Variants in FYB1 observed in about 807,000 individuals in gnomAD.
FYB1 encodes FYN binding protein 1, also known as FYN-binding protein 1.
Under a neutral mutation model 94.1 loss-of-function variants are expected in FYB1, and 41 were observed. The observed-to-expected ratio is 0.44, with a 90% confidence interval of 0.34 to 0.57. The LOEUF (loss-of-function observed/expected upper bound fraction) is 0.57. FYB1 is among the 20% of genes least tolerant of loss of function. FYB1 has a pLI of 0.02. For synonymous variants in FYB1, 367 were observed against 353.2 expected, an observed-to-expected ratio of 1.04 and a Z score of -0.44; for missense variants, 1,050 against 976.8, an observed-to-expected ratio of 1.07 and a Z score of -1.00.
intron 1 of FYB1, among the ~76,000 whole-genome samples, chr5:39,240,120 C>T (rs1751139186): frequency 6.6e-6 from 1 of 152,088 alleles, no homozygotes; most frequent in African/African-American, 2.4e-5. Flanking sequence ...TTGCTAGCCA[C>T]ATGCAGAAGA....
At chr5:39,259,772 C>T (rs1752137849) in intron 1 of FYB1, among the ~76,000 whole-genome samples, 2 of 152,066 alleles carry the variant, frequency 1.3e-5, no homozygotes, top group African/African-American at 2.4e-5. Context: ...TAGGCAGGAA[C>T]GTGGGGGATA....
At chr5:39,120,454 A>G (rs916730441) in intron 14 of FYB1, among the ~76,000 whole-genome samples, 2 of 152,174 alleles carry the variant, frequency 1.3e-5, no homozygotes, top group Admixed American at 1.3e-4. Flanking sequence ...GCCTGTCCGC[A>G]CACAGGATCA....
chr5:39,206,559 G>A (rs916609604), intron 1 of FYB1, among the ~76,000 whole-genome samples: 4 of 152,134 alleles, frequency 2.6e-5, no homozygotes, highest in African/African-American at 9.7e-5. Context: ...AGAGTGGAAA[G>A]TAAGCCTTCT....
At chr5:39,149,019 T>G (rs928100299) in intron 3 of FYB1, among the ~76,000 whole-genome samples, 1 of 152,182 alleles carries the variant, frequency 6.6e-6, no homozygotes, top group African/African-American at 2.4e-5. Context: ...ATGATAAACA[T>G]GCTCTTTTGA....
chr5:39,116,158 G>C (rs948827484), intron 16 of FYB1, among the ~76,000 whole-genome samples: 21 of 152,168 alleles, frequency 1.4e-4, no homozygotes, highest in African/African-American at 4.8e-4. Context: ...TTTATCGGCT[G>C]CCTTCGCTTC....
At chr5:39,211,482 TG>T (rs1561273754) in intron 1 of FYB1, among the ~76,000 whole-genome samples, 1 of 151,844 alleles carries the variant, frequency 6.6e-6, no homozygotes, top group African/African-American at 2.4e-5. Flanking sequence ...CCACCACGCC[TG>T]GCTAATTTTT....
At chr5:39,224,006 C>T (rs1750372372), upstream of FYB1, among the ~76,000 whole-genome samples, 1 of 152,184 alleles carries the variant, frequency 6.6e-6, no homozygotes, top group South Asian at 2.1e-4. Context: ...CTGTTCATGC[C>T]TATCACTTGT....
At chr5:39,224,146 C>T (rs1338059445), upstream of FYB1, among the ~76,000 whole-genome samples, 2 of 152,126 alleles carry the variant, frequency 1.3e-5, no homozygotes, top group Non-Finnish European at 2.9e-5. Flanking sequence ...AACACGAAAC[C>T]GATGGCCATT....
At chr5:39,248,090 G>C (rs777792208) in intron 1 of FYB1, among the ~76,000 whole-genome samples, 5 of 152,046 alleles carry the variant, frequency 3.3e-5, no homozygotes, top group African/African-American at 4.8e-5. Flanking sequence ...TCAGGTGGAA[G>C]CACTCCACAG....
intron 1 of FYB1, among the ~76,000 whole-genome samples, chr5:39,259,909 A>C (rs528816785): frequency 9.8e-5 from 15 of 152,306 alleles, no homozygotes; most frequent in African/African-American, 3.6e-4. Flanking sequence ...TCTGGAATTG[A>C]AAGGTTTCTA....
At chr5:39,264,314 A>G (rs1025015850) in intron 1 of FYB1, among the ~76,000 whole-genome samples, 2 of 152,234 alleles carry the variant, frequency 1.3e-5, no homozygotes, top group Non-Finnish European at 2.9e-5. Context: ...AGAAGTTGGC[A>G]GTCTGCAATC....
chr5:39,270,889 TTAA>T (rs1332627271), intron 1 of FYB1: 1 of 324,730 alleles, frequency 3.1e-6, no homozygotes, highest in African/African-American at 2.1e-5. Context: ...CTATACATTA[TTAA>T]TGTTTTATAT....
At chr5:39,153,721 A>G in intron 2 of FYB1, 117 bp from the exon 3 acceptor site, 1 of 823,414 alleles carries the variant, frequency 1.2e-6, no homozygotes, top group Non-Finnish European at 1.9e-6. Flanking sequence ...ACAACTGGCT[A>G]TATGGAATTT....
chr5:39,139,158 A>G, intron 5 of FYB1, 75 bp downstream of exon 5: 1 of 1,319,382 alleles, frequency 7.6e-7, no homozygotes, highest in South Asian at 1.5e-5. Context: ...TTTTGTACCA[A>G]TACGGAGTGA....
chr5:39,137,726 A>C lies in FYB1; in HGVS notation c.1395-6T>G. 6.5e-7 allele frequency: 1 copy of C among 1,549,688 alleles called. No homozygotes were observed. Among genetic ancestry groups the C allele is most frequent in the Non-Finnish European group, 8.7e-7 (1 of 1,146,454 alleles). On this transcript the variant is annotated splice_region_variant and splice_polypyrimidine_tract_variant and intron_variant, in intron 6 of 18. Transcript: ENST00000512982. ...CTCTTTCTTTGGATGCTTCTCTGTG[A>C]GTAAAAATTGTTAGGTTGTTTTCAC...
At chr5:39,184,060 C>G (rs1205765448) in intron 2 of FYB1, among the ~76,000 whole-genome samples, 1 of 151,986 alleles carries the variant, frequency 6.6e-6, no homozygotes, top group East Asian at 1.9e-4. Context: ...TATTATATTA[C>G]TATTTAGTAA....
In FYB1 at chr5:39,202,037, A is replaced by G; in HGVS notation, c.924T>C (p.Thr308=). ...KINQEELASG[T]PPARFPKAPS... is the part of the protein sequence containing the mutation. ...GGGCCTTAGGGAACCTGGCAGGAGGAGTCCCTGAGGCCAACTCTTCCTGAT... is the reference window on the plus strand; with the variant it reads ...GGGCCTTAGGGAACCTGGCAGGAGGGGTCCCTGAGGCCAACTCTTCCTGAT... The change falls in exon 2 of 19, where the codon ACT becomes ACC. Residue 308 remains threonine, a synonymous_variant. Coordinates refer to ENST00000512982, the MANE Select transcript of FYB1 (RefSeq NM_001465.6). The G allele has an allele frequency of 1.2e-6, 2 of 1,613,982 alleles. No homozygotes were observed. Among genetic ancestry groups the G allele is most frequent in the Non-Finnish European group, 1.7e-6 (2 of 1,179,892 alleles).
At chr5:39,124,915 C>CCACACACACA (rs56887056) in intron 12 of FYB1, among the ~76,000 whole-genome samples, 4,415 of 139,462 alleles carry the variant, frequency 0.032, 217 homozygotes, top group East Asian at 0.1. Flanking sequence ...TAAATACACT[C>CCACACACACA]CACACACACA....
intron 2 of FYB1, chr5:39,169,380 T>C: frequency 2.6e-6 from 2 of 759,234 alleles, no homozygotes; most frequent in South Asian, 1.3e-5. Flanking sequence ...ACTAGCTTTG[T>C]GAATTTTTCC....
Sources: gnomAD v4.1 joint callset for allele counts (sites outside exome capture counted in the v4.1 genomes callset) on GRCh38, gnomAD v4.1.1 for gene constraint, MANE v1.5 for transcripts, NCBI Gene and HGNC (gene_info 2026-07-23, HGNC 2026-07-21) for gene names.